Variants in MRPL9 observed in about 807,000 individuals in gnomAD.
MRPL9 encodes the protein mitochondrial ribosomal protein L9, also known as large ribosomal subunit protein bL9m.
MRPL9 carries 25 observed loss-of-function variants against 27.6 expected under a neutral mutation model. The observed-to-expected ratio is 0.91, with a 90% CI of 0.66 to 1.27. The LOEUF is 1.27. MRPL9 is among the 50% of genes most tolerant of loss of function. The pLI, the probability that MRPL9 is intolerant of heterozygous loss-of-function variation, is 0.00. For synonymous variants in MRPL9, 154 were observed against 139.0 expected, an observed-to-expected ratio of 1.11 and a Z score of -0.76; for missense variants, 362 against 338.0, an observed-to-expected ratio of 1.07 and a Z score of -0.56.
At chr1:151,761,668 GGGT>G in intron 4 of MRPL9, 116 bp from the exon 5 acceptor site, 1 of 732,140 alleles carries the variant, frequency 1.4e-6, no homozygotes, top group Non-Finnish European at 2.3e-6. Flanking sequence ...AGGCCAAGGT[GGGT>G]CTCCCAAAGT....
Position 151,761,548 on chromosome 1 carries a change from A to G in MRPL9, c.491T>C (p.Val164Ala), listed in dbSNP as rs557719469. 1.9e-6 allele frequency: 3 copies of G among 1,608,802 alleles called. No individual in the cohort carries two copies. Among genetic ancestry groups the G allele is most frequent in the Non-Finnish European group, 2.6e-6 (3 of 1,175,498 alleles). ...KIQTKAGEATVKFLKSCRLEV... is the reference protein window; with the variant it reads ...KIQTKAGEATAKFLKSCRLEV... ...CAGGCGACAGCTTTTTAGAAATTTC[A>G]CTGTCTGAAAGGAATTATGAGTTTG... Residue 164 changes from valine (V) to alanine (A), a missense_variant, in exon 5 of 7, where the codon GTG (valine) becomes GCG (alanine). By Grantham distance (64) the Val-to-Ala change is moderately conservative. Coordinates refer to ENST00000368830, the MANE Select transcript of MRPL9 (RefSeq NM_031420.4).
In MRPL9 at chr1:151,759,912, T is replaced by C; in HGVS notation, c.*138A>G. The C allele has an allele frequency of 2.7e-6, 3 of 1,119,536 alleles. No individual in the cohort carries two copies. Among genetic ancestry groups the C allele is most frequent in the Non-Finnish European group, 3.7e-6 (3 of 807,340 alleles). 69.4% of individuals were successfully genotyped at this position (1,119,536 alleles called of 1,614,324 possible). A position where few individuals can be genotyped will look rare whatever the true frequency, so the allele number is the denominator to read the frequency against. ...GCAAAAATGAAGAATTCAACATGTA[T>C]ACGCAGTGCAGTCTGATGTCTTCAG... On this transcript the variant is annotated 3_prime_UTR_variant, in exon 7 of 7. Transcript: ENST00000368830.
chr1:151,760,176 A>AT lies in MRPL9; in HGVS notation c.677dup (p.Asn226LysfsTer4). ...TAGGCACTCTCACAGTATCAAGCCC[A>AT]TTTACCTGCACACAAAACAATGGGA... On this transcript the variant is annotated frameshift_variant, in exon 7 of 7. Transcript: ENST00000368830. LOFTEE classifies it low-confidence loss of function (END_TRUNC). 6.2e-7 allele frequency: 1 copy of AT among 1,614,118 alleles called. No homozygotes were observed.
intron 5 of MRPL9, 64 bp downstream of exon 5, chr1:151,761,387 G>C: frequency 1.8e-6 from 2 of 1,105,138 alleles, no homozygotes; most frequent in Non-Finnish European, 2.8e-6. Flanking sequence ...ATCAATCCCA[G>C]GCCTCCTTTC....
intron 4 of MRPL9, chr1:151,761,829 G>A (rs745453453): frequency 6.8e-6 from 4 of 587,402 alleles, no homozygotes; most frequent in Admixed American, 3.0e-5. Flanking sequence ...CAACTTGTAC[G>A]TAAATATCCT....
chr1:151,759,976 T>G lies in MRPL9; in HGVS notation c.*74A>C. On this transcript the variant is annotated 3_prime_UTR_variant, in exon 7 of 7. Transcript: ENST00000368830. Reference sequence around the variant, plus strand: ...TTCTGTATTTGGTCAGAGCTGGGAGTGAGATCAGGGTGCTTGCACATTTCT... The same window carrying G: ...TTCTGTATTTGGTCAGAGCTGGGAGGGAGATCAGGGTGCTTGCACATTTCT... The G allele has an allele frequency of 1.5e-5, 24 of 1,563,808 alleles. No homozygotes were observed. Among genetic ancestry groups the G allele is most frequent in the Non-Finnish European group, 1.6e-5 (18 of 1,152,546 alleles).
intron 5 of MRPL9, 144 bp downstream of exon 5, chr1:151,761,307 T>G (rs1192136158): frequency 3.0e-6 from 2 of 662,754 alleles, no homozygotes; most frequent in Non-Finnish European, 5.4e-6. Flanking sequence ...CCTTCCCATA[T>G]TCCTGCAAAC....
At chr1:151,760,926 A>AAAAAC (rs57922119) in intron 5 of MRPL9, 27 bp from the exon 6 acceptor site, 8 of 1,419,400 alleles carry the variant, frequency 5.6e-6, no homozygotes, top group Non-Finnish European at 7.6e-6. Flanking sequence ...AAAAAAAAAA[A>AAAAAC]TCTCAGCTCA....
chr1:151,760,903 C>CAAAAAA lies in MRPL9; in HGVS notation c.589-10_589-5dup, dbSNP rs755031728. ...GTGGGGCAACCACAACACCAAGCTGCAAAAAAAAAAAAAAAAAAAAAAATC... is the reference window on the plus strand; with the variant it reads ...GTGGGGCAACCACAACACCAAGCTGCAAAAAAAAAAAAAAAAAAAAAAAAAAAAATC... On this transcript the variant is annotated splice_polypyrimidine_tract_variant and splice_region_variant and intron_variant, in intron 5 of 6. Coordinates refer to ENST00000368830, the MANE Select transcript of MRPL9 (RefSeq NM_031420.4). 6.8e-4 allele frequency: 653 copies of CAAAAAA among 953,298 alleles called. 12 individuals are homozygous for CAAAAAA. The highest frequency in any genetic ancestry group is 4.6e-3 in the African/African-American group (165 of 35,806). The allele number at this position is 953,298 out of a possible 1,614,324, so 59.1% of individuals were successfully genotyped here.
chr1:151,763,431 C>T lies in MRPL9; in HGVS notation c.49G>A (p.Gly17Ser). 6.4e-7 allele frequency: 1 copy of T among 1,567,536 alleles called. No individual in the cohort carries two copies. The highest frequency in any genetic ancestry group is 1.2e-5 in the South Asian group (1 of 85,678). The change falls in exon 1 of 7, where the codon GGC becomes AGC. Residue 17 changes from glycine (G) to serine (S), a missense_variant. Gly to Ser is a moderately conservative substitution (Grantham distance 56). Coordinates refer to ENST00000368830, the MANE Select transcript of MRPL9 (RefSeq NM_031420.4). Reference protein sequence around the residue: ...TAPGRALLRAGAGRLLRGGVQ... With the variant: ...TAPGRALLRASAGRLLRGGVQ... ...CCTCCCCGAAGCAGCCGTCCAGCGC[C>T]CGCCCGCAGCAGAGCTCTGCCCGGG...
At chr1:151,762,824 G>A (rs952761047) in intron 2 of MRPL9, 166 bp downstream of exon 2, 30 of 855,282 alleles carry the variant, frequency 3.5e-5, no homozygotes, top group African/African-American at 5.1e-5. Flanking sequence ...AATGCTGGAG[G>A]CCAGTGTCAC....
intron 1 of MRPL9, 85 bp downstream of exon 1, chr1:151,763,242 C>T: frequency 1.3e-6 from 2 of 1,533,384 alleles, no homozygotes; most frequent in Non-Finnish European, 8.8e-7. Context: ...CCCGCCACCC[C>T]CACATCGGCC....
chr1:151,760,221 G>T lies in MRPL9; in HGVS notation c.673-40C>A, dbSNP rs537343364. ...ATGGGAATTCTCAGAGATCAGTCAG[G>T]TAAGTAAGATTTAGCACCACCTAAT... On this transcript the variant is annotated intron_variant, in intron 6 of 6. Transcript: ENST00000368830. The T allele has an allele frequency of 2.5e-6, 4 of 1,613,030 alleles. No homozygotes were observed. The East Asian group carries it at 8.9e-5, about 36-fold the overall frequency.
chr1:151,763,341 G>C lies in MRPL9; in HGVS notation c.139C>G (p.Leu47Val). 6.3e-7 allele frequency: 1 copy of C among 1,591,332 alleles called. No individual in the cohort carries two copies. The highest frequency in any genetic ancestry group is 1.1e-5 in the South Asian group (1 of 87,940). ...NAPDLACNFS[L>V]SQNRGTVIVE... ...TCAGCCCTCACCCGATTTTGAGAAA[G>C]GCTGAAGTTGCAGGCCAGGTCAGGG... is the stretch of plus-strand genomic sequence containing the variant. Residue 47 changes from leucine (L) to valine (V), a missense_variant, in exon 1 of 7, where the codon CTT (leucine) becomes GTT (valine). Physicochemically the swap from Leu to Val is conservative, Grantham distance 32 (BLOSUM62 1). Coordinates refer to ENST00000368830, the MANE Select transcript of MRPL9 (RefSeq NM_031420.4).
In MRPL9 at chr1:151,763,467, C is replaced by T; in HGVS notation, c.13G>A (p.Val5Ile). The change falls in exon 1 of 7, where the codon GTT becomes ATT. Residue 5 changes from valine (V) to isoleucine (I), a missense_variant. Transcript: ENST00000368830. The stretch of plus-strand genomic sequence containing the variant: ...AGAGCTCTGCCCGGGGCCGTGACAA[C>T]GGGCGCCGCCATGTTCACAGGCACA... MAAP[V>I]VTAPGRALLR... 1.3e-6 allele frequency: 2 copies of T among 1,574,528 alleles called. No homozygotes were observed. Among genetic ancestry groups the T allele is most frequent in the Non-Finnish European group, 1.7e-6 (2 of 1,160,774 alleles).
intron 3 of MRPL9, 106 bp from the exon 4 acceptor site, chr1:151,762,261 T>C: frequency 6.4e-7 from 1 of 1,574,226 alleles, no homozygotes. Context: ...TCTGCATTCC[T>C]GTTCTTCTAG....
At chr1:151,762,764 C>T in intron 2 of MRPL9, 3 of 670,076 alleles carry the variant, frequency 4.5e-6, no homozygotes, top group Non-Finnish European at 7.4e-6. Flanking sequence ...TGTCAGGCTC[C>T]TCTCCCCACA....
At chr1:151,761,973 G>T in intron 4 of MRPL9, 132 bp downstream of exon 4, 1 of 878,364 alleles carries the variant, frequency 1.1e-6, no homozygotes, top group Non-Finnish European at 1.9e-6. Context: ...TGTTTTGTGG[G>T]GCAGCCACAA....
intron 2 of MRPL9, 53 bp from the exon 3 acceptor site, chr1:151,762,553 G>A (rs781323585): frequency 1.2e-4 from 192 of 1,557,518 alleles, no homozygotes; most frequent in Middle Eastern, 1.7e-4. Context: ...AGTCCCTAAA[G>A]AAAAGATGTC....
Sources: gnomAD v4.1 joint callset for allele counts on GRCh38, gnomAD v4.1.1 for gene constraint, MANE v1.5 for transcripts, NCBI Gene and HGNC (gene_info 2026-07-23, HGNC 2026-07-21) for gene names.